Variants in SYN3 observed in about 807,000 individuals in gnomAD.
The protein encoded by SYN3 is synapsin-3.
In SYN3, 35 loss-of-function variants were observed where a neutral mutation model predicts 65.8. The observed-to-expected ratio is 0.53, with a 90% CI of 0.41 to 0.70. The LOEUF is 0.70. Among genes scored for constraint, SYN3 ranks in the 30% least tolerant of loss-of-function variants. The pLI is 0.00. For missense variants in SYN3, 680 were observed against 749.0 expected (o/e 0.91, Z 1.08); for synonymous variants, 270 against 292.9 (o/e 0.92, Z 0.80).
intron 9 of SYN3, among the ~76,000 whole-genome samples, chr22:32,534,305 C>T (rs1194691479): frequency 6.6e-6 from 1 of 152,184 alleles, no homozygotes; most frequent in Admixed American, 6.5e-5. Context: ...CCAGCCACCC[C>T]TGTGTCCCTT....
chr22:32,746,365 C>T (rs2044933228), intron 6 of SYN3, among the ~76,000 whole-genome samples: 2 of 152,202 alleles, frequency 1.3e-5, no homozygotes, highest in South Asian at 2.1e-4. Context: ...CCAATATTTT[C>T]AGTAGATCCA....
intron 6 of SYN3, among the ~76,000 whole-genome samples, chr22:32,720,243 C>G (rs1007098627): frequency 6.6e-6 from 1 of 152,192 alleles, no homozygotes; most frequent in Non-Finnish European, 1.5e-5. Flanking sequence ...GTGAGTCCAA[C>G]CTGGGTTTGT....
intron 8 of SYN3, among the ~76,000 whole-genome samples, chr22:32,538,763 C>A (rs1279627335): frequency 6.6e-6 from 1 of 152,200 alleles, no homozygotes; most frequent in Admixed American, 6.5e-5. Context: ...TCCTGACAGC[C>A]CACCTTTACA....
chr22:32,535,895 G>A (rs1681410060), intron 9 of SYN3, among the ~76,000 whole-genome samples: 1 of 152,232 alleles, frequency 6.6e-6, no homozygotes, highest in African/African-American at 2.4e-5. Context: ...AGTGGAGGGC[G>A]GGGTCAGGCC....
chr22:32,856,376 G>A (rs2048365939), intron 6 of SYN3, among the ~76,000 whole-genome samples: 1 of 152,130 alleles, frequency 6.6e-6, no homozygotes, highest in African/African-American at 2.4e-5. Flanking sequence ...GGCTAGTCAA[G>A]AGGATCGGTG....
chr22:33,010,170 T>G (rs751526696), intron 1 of SYN3, among the ~76,000 whole-genome samples: 2 of 151,560 alleles, frequency 1.3e-5, no homozygotes, highest in South Asian at 2.1e-4. Context: ...AGGCGGAGGT[T>G]GCGGTGAGCC....
intron 6 of SYN3, among the ~76,000 whole-genome samples, chr22:32,627,382 C>A (rs918332353): frequency 2.6e-5 from 4 of 152,194 alleles, no homozygotes; most frequent in East Asian, 1.9e-4. Context: ...CTTCTGTGAG[C>A]CCTAATGCTC....
At chr22:32,529,094 G>A in intron 10 of SYN3, 86 bp from the exon 11 acceptor site, 3 of 1,559,214 alleles carry the variant, frequency 1.9e-6, no homozygotes, top group Non-Finnish European at 2.6e-6. Context: ...GGGGCTCAGG[G>A]CTCAGGACAG....
chr22:32,973,447 G>A (rs1037258646), intron 3 of SYN3, among the ~76,000 whole-genome samples: 3 of 151,962 alleles, frequency 2.0e-5, no homozygotes, highest in Non-Finnish European at 4.4e-5. Context: ...ATTAATAAAG[G>A]TTATCTCCTA....
chr22:32,872,597 T>C (rs1569293101), intron 4 of SYN3, among the ~76,000 whole-genome samples: 1 of 152,206 alleles, frequency 6.6e-6, no homozygotes. Flanking sequence ...TAGAGTGAAT[T>C]CTGCCATTCA....
chr22:32,521,953 G>C lies in SYN3; in HGVS notation c.1319-3619C>G, dbSNP rs565472741. Among the ~76,000 whole-genome samples the C allele has an allele frequency of 3.9e-5, 6 of 152,320 alleles. No individual in the cohort carries two copies. In the South Asian group the frequency reaches 1.2e-3, roughly 32 times the overall value. ...CATATACCTGGGATTTATCAAGAGA[G>C]ACACCCTAGTTACTGGATTCAGAGA... On this transcript the variant is annotated intron_variant, in intron 12 of 13. Coordinates refer to ENST00000358763, the MANE Select transcript of SYN3 (RefSeq NM_003490.4).
At chr22:32,952,068 G>T (rs1270570370) in intron 3 of SYN3, among the ~76,000 whole-genome samples, 1 of 152,172 alleles carries the variant, frequency 6.6e-6, no homozygotes, top group Non-Finnish European at 1.5e-5. Flanking sequence ...GCATCTCAGG[G>T]CTGAGCTCTT....
chr22:32,683,740 C>T (rs1246534397), intron 6 of SYN3, among the ~76,000 whole-genome samples: 14 of 152,156 alleles, frequency 9.2e-5, no homozygotes, highest in Non-Finnish European at 2.9e-5. Flanking sequence ...CTCAGTACTT[C>T]AGAAGGAAGT....
chr22:32,665,354 G>T (rs2060276208), intron 6 of SYN3, among the ~76,000 whole-genome samples: 1 of 44 alleles, frequency 0.023, no homozygotes, highest in Admixed American at 0.17. Flanking sequence ...CTACTGATGA[G>T]TGAGGAACAT....
At chr22:32,939,506 T>C (rs1601738633) in intron 3 of SYN3, among the ~76,000 whole-genome samples, 1 of 152,316 alleles carries the variant, frequency 6.6e-6, no homozygotes, top group East Asian at 1.9e-4. Flanking sequence ...TCCTCCCTCA[T>C]CCTCATTCCA....
At chr22:32,671,897 C>T (rs1045061089) in intron 6 of SYN3, among the ~76,000 whole-genome samples, 1 of 152,240 alleles carries the variant, frequency 6.6e-6, no homozygotes, top group Non-Finnish European at 1.5e-5. Flanking sequence ...TTAGTGTATG[C>T]GGAGTCACAT....
chr22:32,556,560 C>G (rs2058499098), intron 7 of SYN3, among the ~76,000 whole-genome samples: 1 of 152,150 alleles, frequency 6.6e-6, no homozygotes, highest in South Asian at 2.1e-4. Flanking sequence ...CCCCATGAGT[C>G]TGTGGCGCTC....
chr22:32,804,234 G>A lies in SYN3; in HGVS notation c.711+60681C>T, dbSNP rs2046665401. ...GGTTTGGTGAGCTGCACTAGTGGCAGGGATGAGCTAATGCTTTTAAAATGG... is the reference window on the plus strand; with the variant it reads ...GGTTTGGTGAGCTGCACTAGTGGCAAGGATGAGCTAATGCTTTTAAAATGG... On this transcript the variant is annotated intron_variant, in intron 6 of 13. Coordinates refer to ENST00000358763, the MANE Select transcript of SYN3 (RefSeq NM_003490.4). 2.0e-5 allele frequency among the ~76,000 whole-genome samples: 3 copies of A among 152,178 alleles called. No individual in the cohort carries two copies. In the South Asian group the frequency reaches 6.2e-4, roughly 32 times the overall value.
At chr22:32,873,294 A>G (rs1249068027) in intron 4 of SYN3, among the ~76,000 whole-genome samples, 1 of 152,120 alleles carries the variant, frequency 6.6e-6, no homozygotes, top group East Asian at 1.9e-4. Flanking sequence ...TGGGTGAGTG[A>G]GTGAGTGAAA....
Sources: gnomAD v4.1 joint callset for allele counts (sites outside exome capture counted in the v4.1 genomes callset) on GRCh38, gnomAD v4.1.1 for gene constraint, MANE v1.5 for transcripts, NCBI Gene and HGNC (gene_info 2026-07-23, HGNC 2026-07-21) for gene names.